Variants in CNTN5 observed in about 807,000 individuals in gnomAD.
CNTN5 encodes contactin-5.
A neutral mutation model predicts 129.1 loss-of-function variants in CNTN5; 77 were observed. The ratio of observed to expected loss-of-function variants is 0.60; its 90% CI spans 0.50 to 0.72. The LOEUF is 0.72. CNTN5 is among the 30% of genes least tolerant of loss of function. The probability of loss-of-function intolerance (pLI) is 0.00; values close to 1 mark genes in which losing one functional copy is unlikely to be tolerated. For missense variants in CNTN5, 1,478 were observed against 1,328.8 expected (o/e 1.11, Z -1.75); for synonymous variants, 509 against 465.6 (o/e 1.09, Z -1.20).
At chr11:99,759,141 A>G (rs1282471978) in intron 3 of CNTN5, among the ~76,000 whole-genome samples, 1 of 152,080 alleles carries the variant, frequency 6.6e-6, no homozygotes. Flanking sequence ...AAAGAAGTAG[A>G]TCAAAGGTGT....
intron 7 of CNTN5, among the ~76,000 whole-genome samples, chr11:99,922,364 G>A (rs900807792): frequency 2.0e-5 from 3 of 152,162 alleles, no homozygotes; most frequent in Non-Finnish European, 4.4e-5. Context: ...GATTTGAGTG[G>A]GGACACACCA....
chr11:99,418,101 A>C (rs962505451), intron 2 of CNTN5, among the ~76,000 whole-genome samples: 2 of 152,166 alleles, frequency 1.3e-5, no homozygotes, highest in Non-Finnish European at 2.9e-5. Flanking sequence ...ATACTGCTAG[A>C]AAAGTCAGCC....
intron 6 of CNTN5, among the ~76,000 whole-genome samples, chr11:99,909,584 TG>T (rs777144443): frequency 3.9e-5 from 6 of 152,092 alleles, no homozygotes; most frequent in Non-Finnish European, 8.8e-5. Flanking sequence ...AATGATAGAC[TG>T]GATTAAGAAA....
chr11:100,350,583 A>G (rs984048771), intron 23 of CNTN5, 119 bp from the exon 24 acceptor site: 1 of 645,704 alleles, frequency 1.5e-6, no homozygotes, highest in Non-Finnish European at 2.6e-6. Flanking sequence ...ACATTTGCTT[A>G]TGTATCTGTC....
intron 3 of CNTN5, among the ~76,000 whole-genome samples, chr11:99,628,252 C>A (rs562140229): frequency 2.6e-5 from 4 of 151,836 alleles, no homozygotes; most frequent in African/African-American, 9.7e-5. Context: ...AACATTTGAC[C>A]CATCTAGAAA....
rs561711833 is a variant in CNTN5, at chr11:99,853,931, A to G, written c.577+8669A>G. Among the ~76,000 whole-genome samples, 48 of 152,218 alleles carry G rather than the reference A, an allele frequency of 3.2e-4. 1 individual carries two copies. The highest frequency in any genetic ancestry group is 1.7e-3 in the Admixed American group (26 of 15,300). ...TAGCTCCAAATCAAATCTAACATCA[A>G]ACTTCCTACTTAAAATCTTTATAAT... On this transcript the variant is annotated intron_variant, in intron 6 of 24. Transcript: ENST00000524871.
At chr11:99,849,760 T>C (rs950948809) in intron 6 of CNTN5, among the ~76,000 whole-genome samples, 4 of 152,310 alleles carry the variant, frequency 2.6e-5, no homozygotes, top group African/African-American at 9.6e-5. Flanking sequence ...CATTTTATCC[T>C]CATAACCAAC....
At position 99,113,783 on chromosome 11, in the gene CNTN5, T is replaced by A. The variant is rs112124540; in HGVS notation, c.-210+92513T>A. On this transcript the variant is annotated intron_variant, in intron 1 of 24. Transcript: ENST00000524871. ...ACACAAATAGCCTCTGCTACACCAT[T>A]TCTTTGGGGGAAAGAAAAAACCCTT... Among the ~76,000 whole-genome samples the A allele has an allele frequency of 1.7e-4, 26 of 152,266 alleles. 1 individual carries two copies. Among genetic ancestry groups the A allele is most frequent in the African/African-American group, 5.5e-4 (23 of 41,580 alleles).
intron 3 of CNTN5, among the ~76,000 whole-genome samples, chr11:99,731,513 T>C (rs1298808993): frequency 6.6e-6 from 1 of 152,194 alleles, no homozygotes; most frequent in Non-Finnish European, 1.5e-5. Flanking sequence ...TACCCTTAAA[T>C]TAAGCCCTTA....
intron 2 of CNTN5, among the ~76,000 whole-genome samples, chr11:99,502,877 C>T (rs538696374): frequency 6.6e-6 from 1 of 152,248 alleles, no homozygotes; most frequent in East Asian, 1.9e-4. Context: ...TCTTCTCCTT[C>T]CCAAAGTATT....
chr11:99,659,676 A>T (rs180696063), intron 3 of CNTN5, among the ~76,000 whole-genome samples: 1 of 152,152 alleles, frequency 6.6e-6, no homozygotes, highest in Non-Finnish European at 1.5e-5. Context: ...CTTCCTCTGG[A>T]AACCTCAGTC....
chr11:99,364,670 C>T (rs1252360346), intron 2 of CNTN5, among the ~76,000 whole-genome samples: 1 of 151,840 alleles, frequency 6.6e-6, no homozygotes, highest in Admixed American at 6.6e-5. Context: ...TTTTAAAAAA[C>T]TCTCCATTTA....
At chr11:99,635,370 T>C (rs1324657357) in intron 3 of CNTN5, among the ~76,000 whole-genome samples, 4 of 152,178 alleles carry the variant, frequency 2.6e-5, no homozygotes, top group African/African-American at 4.8e-5. Context: ...AGGAAAATGT[T>C]AACAAAATTT....
chr11:99,647,428 T>C lies in CNTN5; in HGVS notation c.55+91159T>C, dbSNP rs188895646. Among the ~76,000 whole-genome samples the C allele has an allele frequency of 4.1e-4, 63 of 152,254 alleles. 1 individual carries two copies. Among genetic ancestry groups the C allele is most frequent in the Middle Eastern group, 3.4e-3 (1 of 294 alleles). On this transcript the variant is annotated intron_variant, in intron 3 of 24. Transcript: ENST00000524871. ...GTTTTTATGCCAGTAGTATGCTGTT[T>C]TGTTTACTATAATCTTGTAGTATAT...
chr11:100,189,340 G>A (rs1162674772), intron 13 of CNTN5, among the ~76,000 whole-genome samples: 3 of 151,214 alleles, frequency 2.0e-5, no homozygotes, highest in South Asian at 2.1e-4. Flanking sequence ...AAAGTACAGG[G>A]CATTCATAAA....
chr11:99,249,073 T>C (rs61297588), intron 1 of CNTN5, among the ~76,000 whole-genome samples: 2,600 of 152,184 alleles, frequency 0.017, 86 homozygotes, highest in African/African-American at 0.06. Flanking sequence ...GCCATTTTCA[T>C]GATATTGATT....
chr11:99,741,091 T>A (rs1329698284), intron 3 of CNTN5, among the ~76,000 whole-genome samples: 2 of 152,224 alleles, frequency 1.3e-5, no homozygotes. Context: ...ATGTGTTGTC[T>A]GGAACATTTA....
chr11:99,612,577 G>A (rs1354523445), intron 3 of CNTN5, among the ~76,000 whole-genome samples: 1 of 152,032 alleles, frequency 6.6e-6, no homozygotes, highest in Non-Finnish European at 1.5e-5. Flanking sequence ...TTTTGATCTG[G>A]AGGATTCTAA....
Position 100,230,230 on chromosome 11 carries a change from C to T in CNTN5, c.2005+5418C>T, listed in dbSNP as rs148061843. 1.4e-4 allele frequency among the ~76,000 whole-genome samples: 21 copies of T among 152,214 alleles called. No homozygotes were observed. The East Asian group carries it at 2.3e-3, about 17-fold the overall frequency. ...CTTAAAGAAAAGCTAATTTCATTCA[C>T]GCTATCTCTTATTGGAATATTCTGC... On this transcript the variant is annotated intron_variant, in intron 16 of 24. Coordinates refer to ENST00000524871, the MANE Select transcript of CNTN5 (RefSeq NM_014361.4).
Sources: gnomAD v4.1 joint callset for allele counts (sites outside exome capture counted in the v4.1 genomes callset) on GRCh38, gnomAD v4.1.1 for gene constraint, MANE v1.5 for transcripts, NCBI Gene and HGNC (gene_info 2026-07-23, HGNC 2026-07-21) for gene names.